The following OSTN variants were observed in gnomAD, a reference collection of about 807,000 sequenced individuals.
OSTN encodes the protein osteocrin.
Under a neutral mutation model 12.0 loss-of-function variants are expected in OSTN, and 9 were observed. That is an observed-to-expected ratio of 0.75 (90% CI 0.45 to 1.30). OSTN has a LOEUF of 1.30. Among genes scored for constraint, OSTN ranks in the 50% most tolerant of loss-of-function variants. OSTN has a pLI of 0.00. For missense variants in OSTN, 148 were observed against 152.3 expected (o/e 0.97, Z 0.15); for synonymous variants, 59 against 56.9 (o/e 1.04, Z -0.16).
intron 3 of OSTN, among the ~76,000 whole-genome samples, chr3:191,223,248 CGT>C: frequency 6.6e-6 from 1 of 152,128 alleles, no homozygotes; most frequent in South Asian, 2.1e-4. Flanking sequence ...CAGATTTTCA[CGT>C]ATGAAAGCTA....
rs185176445 is a variant in OSTN at position 191,235,348 on chromosome 3, T to C, written c.318-14689T>C. ...TCCCTAGCTTGGACCCCATTCATCC[T>C]GGAAGGCTTCAGTGGGAAGGAGCTT... On this transcript the variant is annotated intron_variant, in intron 3 of 4. Transcript: ENST00000682035. 5.3e-3 allele frequency among the ~76,000 whole-genome samples: 803 copies of C among 152,336 alleles called. 3 individuals carry two copies. The highest frequency in any genetic ancestry group is 0.018 in the African/African-American group (755 of 41,570).
At chr3:191,239,344 A>G (rs1449556840) in intron 3 of OSTN, among the ~76,000 whole-genome samples, 1 of 152,244 alleles carries the variant, frequency 6.6e-6, no homozygotes, top group African/African-American at 2.4e-5. Flanking sequence ...ACAAAGTCAC[A>G]TACTGGGCAT....
At chr3:191,254,755 T>C (rs1715633788) in intron 4 of OSTN, among the ~76,000 whole-genome samples, 1 of 152,246 alleles carries the variant, frequency 6.6e-6, no homozygotes, top group South Asian at 2.1e-4. Context: ...CTACTTGGTC[T>C]GATTATTTGC....
At chr3:191,214,037 T>C (rs961092289) in intron 2 of OSTN, among the ~76,000 whole-genome samples, 1 of 152,148 alleles carries the variant, frequency 6.6e-6, no homozygotes, top group Non-Finnish European at 1.5e-5. Flanking sequence ...CTATAAGTAA[T>C]AAAGAACTGT....
chr3:191,226,347 G>A (rs966479508), intron 3 of OSTN, among the ~76,000 whole-genome samples: 2 of 152,114 alleles, frequency 1.3e-5, no homozygotes, highest in African/African-American at 2.4e-5. Context: ...ATTTATTAAT[G>A]TCTAAGAAAG....
At chr3:191,257,643 T>C (rs1048587546) in intron 4 of OSTN, among the ~76,000 whole-genome samples, 2 of 152,186 alleles carry the variant, frequency 1.3e-5, no homozygotes, top group African/African-American at 4.8e-5. Context: ...ATTAATCAAG[T>C]ATCAAAAATA....
intron 3 of OSTN, among the ~76,000 whole-genome samples, chr3:191,226,566 G>A (rs898806199): frequency 7.9e-5 from 12 of 152,112 alleles, no homozygotes; most frequent in Non-Finnish European, 1.5e-5. Flanking sequence ...TGCCATCAGT[G>A]TTGATTACAA....
At chr3:191,215,258 A>T (rs1168148862) in intron 2 of OSTN, among the ~76,000 whole-genome samples, 1 of 152,202 alleles carries the variant, frequency 6.6e-6, no homozygotes, top group Non-Finnish European at 1.5e-5. Flanking sequence ...AATTATCCCC[A>T]TGATTCAATC....
At chr3:191,224,912 C>CA (rs1362618961) in intron 3 of OSTN, among the ~76,000 whole-genome samples, 4 of 151,100 alleles carry the variant, frequency 2.6e-5, no homozygotes, top group South Asian at 2.1e-4. Context: ...AATATTACAG[C>CA]AAAAAAATGT....
chr3:191,258,736 A>G lies in OSTN; in HGVS notation c.*13-4130A>G, dbSNP rs569642766. ...AGGAAAGCACCATGGAAACCAGGCC[A>G]CACACTTTGGTCACTTTGCCGCAAA... On this transcript the variant is annotated intron_variant, in intron 4 of 4. Coordinates refer to ENST00000682035, the MANE Select transcript of OSTN (RefSeq NM_198184.2). Among the ~76,000 whole-genome samples, 15 of 152,174 alleles carry G rather than the reference A, an allele frequency of 9.9e-5. No individual in the cohort carries two copies. The South Asian group carries it at 2.7e-3, about 27-fold the overall frequency.
At chr3:191,246,067 C>CAA (rs149962240) in intron 3 of OSTN, among the ~76,000 whole-genome samples, 223 of 59,824 alleles carry the variant, frequency 3.7e-3, no homozygotes, top group Non-Finnish European at 4.1e-3. Flanking sequence ...AACTCTGTCT[C>CAA]AAAAAAAAAA....
At chr3:191,254,378 G>T (rs114650791) in intron 4 of OSTN, among the ~76,000 whole-genome samples, 1 of 152,306 alleles carries the variant, frequency 6.6e-6, no homozygotes, top group African/African-American at 2.4e-5. Flanking sequence ...ATCAGCAGGC[G>T]TGAAGGTTGT....
At position 191,263,092 on chromosome 3, in the gene OSTN, T is replaced by C; in HGVS notation, c.*239T>C. ...ATTATATATTTTAATTATTCAAGAA[T>C]GGTTAACTTCCCCTTAAACCTTACT... On this transcript the variant is annotated 3_prime_UTR_variant, in exon 5 of 5. Coordinates refer to ENST00000682035, the MANE Select transcript of OSTN (RefSeq NM_198184.2). The C allele has an allele frequency of 6.3e-6, 3 of 474,566 alleles. No individual in the cohort carries two copies. The highest frequency in any genetic ancestry group is 3.9e-5 in the South Asian group (1 of 25,362). The allele number at this position is 474,566 out of a possible 1,614,324, so 29.4% of individuals were successfully genotyped here.
intron 1 of OSTN, among the ~76,000 whole-genome samples, chr3:191,206,980 T>C (rs1714292082): frequency 6.6e-6 from 1 of 152,174 alleles, no homozygotes; most frequent in African/African-American, 2.4e-5. Context: ...AGAACACCAT[T>C]ATTTCAATGG....
intron 1 of OSTN, 56 bp from the exon 2 acceptor site, chr3:191,212,477 T>A (rs1368043165): frequency 1.1e-5 from 14 of 1,226,620 alleles, no homozygotes; most frequent in Non-Finnish European, 1.1e-6. Context: ...AACTTCTGTT[T>A]TTTGTCTTTA....
intron 4 of OSTN, among the ~76,000 whole-genome samples, chr3:191,254,087 G>C (rs945819420): frequency 6.6e-6 from 1 of 152,194 alleles, no homozygotes; most frequent in Non-Finnish European, 1.5e-5. Context: ...CCTGAGAATA[G>C]ATCAGTTCAG....
intron 1 of OSTN, among the ~76,000 whole-genome samples, chr3:191,200,027 C>G (rs1030495124): frequency 5.3e-5 from 8 of 152,082 alleles, no homozygotes; most frequent in Non-Finnish European, 1.0e-4. Flanking sequence ...CTTTGAATAA[C>G]AGACTCTATA....
At chr3:191,221,016 T>C (rs1714747941) in intron 3 of OSTN, among the ~76,000 whole-genome samples, 1 of 152,174 alleles carries the variant, frequency 6.6e-6, no homozygotes, top group Non-Finnish European at 1.5e-5. Flanking sequence ...TAATTGATCA[T>C]GGGTGTGGTT....
At chr3:191,200,030 ACT>A (rs1188548109) in intron 1 of OSTN, among the ~76,000 whole-genome samples, 2 of 152,078 alleles carry the variant, frequency 1.3e-5, no homozygotes, top group East Asian at 3.8e-4. Flanking sequence ...TGAATAACAG[ACT>A]CTATAGGTTT....
Sources: allele counts gnomAD v4.1 joint callset (sites outside exome capture counted in the v4.1 genomes callset), GRCh38; gene constraint gnomAD v4.1.1; transcripts MANE v1.5; gene names NCBI Gene and HGNC (gene_info 2026-07-23, HGNC 2026-07-21).